The following TDRD3 variants were observed in gnomAD, a reference collection of about 807,000 sequenced individuals.
The protein encoded by TDRD3 is tudor domain containing 3.
A neutral mutation model predicts 86.7 loss-of-function variants in TDRD3; 45 were observed. The ratio of observed to expected loss-of-function variants is 0.52; its 90% confidence interval spans 0.41 to 0.67. The LOEUF (loss-of-function observed/expected upper bound fraction) is 0.67, where lower values mean the gene tolerates loss of function less well. Ranked by LOEUF, TDRD3 falls within the 30% of genes least tolerant of loss-of-function variation. The pLI is 0.00. For synonymous variants in TDRD3, 298 were observed against 301.7 expected (o/e 0.99, Z 0.13); for missense variants, 814 against 889.0 (o/e 0.92, Z 1.07).
At chr13:60,467,164 C>A in intron 4 of TDRD3, 74 bp from the exon 5 acceptor site, 1 of 1,560,312 alleles carries the variant, frequency 6.4e-7, no homozygotes, top group South Asian at 1.2e-5. Flanking sequence ...AGGCCCCGGT[C>A]TGTGTTGTTT....
In TDRD3 at chr13:60,455,604, C is replaced by A. The variant is rs188902258; in HGVS notation, c.193-4776C>A. On this transcript the variant is annotated intron_variant, in intron 3 of 13. Transcript: ENST00000377881. ...ATGGAAGATTAAACTATTTCATTTT[C>A]TCTTAATTTTAATCTACTTTGCAAT... Among the ~76,000 whole-genome samples the A allele has an allele frequency of 3.2e-4, 48 of 152,258 alleles. 1 individual carries two copies. Among genetic ancestry groups the A allele is most frequent in the African/African-American group, 1.1e-3 (47 of 41,526 alleles).
intron 5 of TDRD3, among the ~76,000 whole-genome samples, chr13:60,468,237 G>A (rs2138086147): frequency 6.6e-6 from 1 of 152,188 alleles, no homozygotes; most frequent in African/African-American, 2.4e-5. Context: ...GCCAAATGGA[G>A]TTGCTTCGTC....
chr13:60,441,521 T>C (rs1253080302), intron 2 of TDRD3, among the ~76,000 whole-genome samples: 1 of 152,200 alleles, frequency 6.6e-6, no homozygotes, highest in Non-Finnish European at 1.5e-5. Context: ...GGGTGAAGCC[T>C]ATACCAGACA....
At chr13:60,444,577 ATTTTTG>A in intron 2 of TDRD3, 100 bp from the exon 3 acceptor site, 1 of 618,910 alleles carries the variant, frequency 1.6e-6, no homozygotes, top group Non-Finnish European at 2.7e-6. Context: ...GTTAAACTGA[ATTTTTG>A]TTTCACAAAC....
intron 8 of TDRD3, among the ~76,000 whole-genome samples, chr13:60,500,990 G>A (rs1355459940): frequency 2.0e-5 from 3 of 152,188 alleles, no homozygotes; most frequent in African/African-American, 7.2e-5. Context: ...CTTGGGCTCA[G>A]CAACATGGAA....
Position 60,519,070 on chromosome 13 carries a change from CTT to C in TDRD3, c.1141+8321_1141+8322del, listed in dbSNP as rs1957231963. 2.6e-5 allele frequency among the ~76,000 whole-genome samples: 4 copies of C among 152,078 alleles called. No homozygotes were observed. The South Asian group carries it at 8.3e-4, about 32-fold the overall frequency. On this transcript the variant is annotated intron_variant, in intron 10 of 13. Coordinates refer to ENST00000377881, the MANE Select transcript of TDRD3 (RefSeq NM_001146070.2). ...TTCTTTGCATATGATAATATTATTA[CTT>C]TTTTTGGTACTTGGATCTGTAGAAG...
rs529166406 is a variant in TDRD3, at chr13:60,498,744, C to T, written c.858+4169C>T. 1.6e-4 allele frequency among the ~76,000 whole-genome samples: 25 copies of T among 152,198 alleles called. 1 individual carries two copies. Among genetic ancestry groups the T allele is most frequent in the African/African-American group, 5.8e-4 (24 of 41,538 alleles). On this transcript the variant is annotated intron_variant, in intron 8 of 13. Transcript: ENST00000377881. The stretch of plus-strand genomic sequence containing the variant: ...TTCTATCCTTCCCCAAGGAGACCTC[C>T]GGCCTTTTACCAGGGTAACTGTGCA...
chr13:60,517,728 C>T (rs567333357), intron 10 of TDRD3, among the ~76,000 whole-genome samples: 56 of 152,292 alleles, frequency 3.7e-4, no homozygotes, highest in African/African-American at 1.2e-3. Flanking sequence ...TTAAGCTTAA[C>T]TTGAATTAAT....
chr13:60,573,397 T>TA (rs201573908), intron 13 of TDRD3, among the ~76,000 whole-genome samples: 8 of 150,826 alleles, frequency 5.3e-5, no homozygotes, highest in Admixed American at 1.3e-4. Flanking sequence ...TAACAAAGTC[T>TA]AAAAAAAAAA....
chr13:60,441,033 TAAC>T (rs1272064472), intron 2 of TDRD3, among the ~76,000 whole-genome samples: 2 of 152,168 alleles, frequency 1.3e-5, no homozygotes, highest in African/African-American at 2.4e-5. Flanking sequence ...GAATTTTACT[TAAC>T]AAGACAAGTA....
intron 5 of TDRD3, among the ~76,000 whole-genome samples, chr13:60,475,676 T>C (rs1238191051): frequency 1.3e-5 from 2 of 152,218 alleles, no homozygotes; most frequent in African/African-American, 4.8e-5. Context: ...TGTATGTGTA[T>C]TTTCCTTTCT....
chr13:60,470,374 C>T (rs1227462410), intron 5 of TDRD3, among the ~76,000 whole-genome samples: 1 of 152,048 alleles, frequency 6.6e-6, no homozygotes, highest in Non-Finnish European at 1.5e-5. Context: ...GCTTTCAATT[C>T]TTTTGTGTGA....
At chr13:60,559,489 A>G (rs1566305037) in intron 12 of TDRD3, among the ~76,000 whole-genome samples, 1 of 152,172 alleles carries the variant, frequency 6.6e-6, no homozygotes, top group Non-Finnish European at 1.5e-5. Flanking sequence ...TAAAAATTAT[A>G]TATTCGTTCC....
At chr13:60,534,977 G>A in intron 11 of TDRD3, 131 bp from the exon 12 acceptor site, 1 of 942,304 alleles carries the variant, frequency 1.1e-6, no homozygotes, top group Non-Finnish European at 1.5e-6. Flanking sequence ...GACTCAAAAG[G>A]GTTCCAAAGG....
At chr13:60,516,519 G>A (rs902794798) in intron 10 of TDRD3, among the ~76,000 whole-genome samples, 2 of 152,166 alleles carry the variant, frequency 1.3e-5, no homozygotes, top group Admixed American at 6.6e-5. Context: ...AAAGGACAGT[G>A]TACTGGAGCA....
chr13:60,488,916 T>C (rs1956515309), intron 7 of TDRD3, among the ~76,000 whole-genome samples: 1 of 152,128 alleles, frequency 6.6e-6, no homozygotes. Flanking sequence ...TTTGTTTTGC[T>C]TTTGAATTGT....
chr13:60,510,357 G>A (rs1432736644), intron 9 of TDRD3, among the ~76,000 whole-genome samples: 1 of 152,000 alleles, frequency 6.6e-6, no homozygotes, highest in African/African-American at 2.4e-5. Context: ...AAAAATATCT[G>A]TGGTTAAAGA....
At chr13:60,464,829 G>A (rs1449857218) in intron 4 of TDRD3, among the ~76,000 whole-genome samples, 1 of 151,948 alleles carries the variant, frequency 6.6e-6, no homozygotes, top group Non-Finnish European at 1.5e-5. Context: ...TTGGTTAATG[G>A]GTACAAAAAT....
At chr13:60,404,800 G>A (rs368007026) in intron 1 of TDRD3, among the ~76,000 whole-genome samples, 1 of 152,154 alleles carries the variant, frequency 6.6e-6, no homozygotes, top group East Asian at 1.9e-4. Context: ...ATATGGTTTG[G>A]TTCTGCGTCC....
Sources: allele counts gnomAD v4.1 joint callset (sites outside exome capture counted in the v4.1 genomes callset), GRCh38; gene constraint gnomAD v4.1.1; transcripts MANE v1.5; gene names NCBI Gene and HGNC (gene_info 2026-07-23, HGNC 2026-07-21).